Variants in UBR4 observed in about 807,000 individuals in gnomAD.
The protein encoded by UBR4 is ubiquitin protein ligase E3 component n-recognin 4.
Under a neutral mutation model 575.6 loss-of-function variants are expected in UBR4, and 124 were observed. That is an observed-to-expected ratio of 0.22 (90% confidence interval 0.19 to 0.25). UBR4 has a LOEUF of 0.25. Ranked by LOEUF, UBR4 falls within the 10% of genes least tolerant of loss-of-function variation. The pLI is 1.00. For synonymous variants in UBR4, 2,455 were observed against 2,473.7 expected (o/e 0.99, Z 0.22); for missense variants, 4,818 against 6,478.8 (o/e 0.74, Z 8.80).
At chr1:19,097,373 G>A (rs537207003) in intron 90 of UBR4, 93 bp from the exon 91 acceptor site, 74 of 990,582 alleles carry the variant, frequency 7.5e-5, no homozygotes, top group Non-Finnish European at 1.0e-4. Flanking sequence ...CCCCAGCAAT[G>A]TGGAGAGCCT....
chr1:19,116,549 AG>A (rs1388221036), intron 73 of UBR4, among the ~76,000 whole-genome samples: 1 of 152,224 alleles, frequency 6.6e-6, no homozygotes, highest in Non-Finnish European at 1.5e-5. Context: ...TCCTGTGTGC[AG>A]AACAGCTCTG....
chr1:19,081,608 G>A (rs1043804684), intron 102 of UBR4, 35 bp from the exon 103 acceptor site: 3 of 1,610,064 alleles, frequency 1.9e-6, no homozygotes, highest in Non-Finnish European at 2.6e-6. Context: ...ATAAAAGCAG[G>A]GTGGAAGCAG....
At chr1:19,149,748 A>G in intron 49 of UBR4, 1 of 1,302,178 alleles carries the variant, frequency 7.7e-7, no homozygotes, top group Non-Finnish European at 1.0e-6. Context: ...GAGAAAAGAA[A>G]GAGGGCATAC....
Position 19,138,180 on chromosome 1 carries a change from T to A in UBR4, c.8733A>T (p.Val2911=). The A allele has an allele frequency of 6.7e-7, 1 of 1,500,530 alleles. No homozygotes were observed. Among genetic ancestry groups the A allele is most frequent in the South Asian group, 1.4e-5 (1 of 74,014 alleles). 93.0% of individuals were successfully genotyped at this position (1,500,530 alleles called of 1,614,324 possible). The stretch of plus-strand genomic sequence containing the variant: ...CGCCATAAGCACTGCTCCGGCCAGA[T>A]ACTAGAGGGAAATGGTTTAAAAAGC... ...AVDSVAGEHS[V]SGRSSAYGDA... Residue 2911 remains valine, a splice_region_variant and synonymous_variant, in exon 60 of 106, where the codon GTA becomes GTT. Coordinates refer to ENST00000375254, the MANE Select transcript of UBR4 (RefSeq NM_020765.3).
chr1:19,195,966 T>TTA (rs1491289423), intron 8 of UBR4, among the ~76,000 whole-genome samples: 2 of 105,086 alleles, frequency 1.9e-5, no homozygotes, highest in South Asian at 3.3e-4. Flanking sequence ...ACAGACTTAC[T>TTA]TATACACACA....
intron 71 of UBR4, 115 bp from the exon 72 acceptor site, chr1:19,118,025 G>A: frequency 1.1e-6 from 1 of 924,426 alleles, no homozygotes; most frequent in Non-Finnish European, 1.7e-6. Flanking sequence ...AGCCCAAAGT[G>A]AGCCCCACCC....
At chr1:19,082,814 G>A (rs1016737693) in intron 102 of UBR4, among the ~76,000 whole-genome samples, 1 of 152,198 alleles carries the variant, frequency 6.6e-6, no homozygotes, top group Non-Finnish European at 1.5e-5. Flanking sequence ...GCTGTTGGCT[G>A]CTGCAGGATC....
intron 73 of UBR4, among the ~76,000 whole-genome samples, 168 bp from the exon 74 acceptor site, chr1:19,115,805 C>T (rs1454570919): frequency 6.6e-6 from 1 of 152,204 alleles, no homozygotes; most frequent in Admixed American, 6.5e-5. Flanking sequence ...AAAAAGTTTT[C>T]TACTACCTTT....
intron 105 of UBR4, among the ~76,000 whole-genome samples, chr1:19,075,748 C>A (rs78695089): frequency 0.094 from 14,312 of 152,288 alleles, 726 homozygotes; most frequent in African/African-American, 0.12. Context: ...GGAATTCACA[C>A]TGAGCAACAC....
Position 19,124,689 on chromosome 1 carries a change from C to A in UBR4, c.9440G>T (p.Gly3147Val), listed in dbSNP as rs2081534405. The change falls in exon 65 of 106, where the codon GGT becomes GTT. Residue 3147 changes from glycine to valine, a missense_variant and splice_region_variant. Gly to Val is a moderately radical substitution (Grantham distance 109). Coordinates refer to ENST00000375254, the MANE Select transcript of UBR4 (RefSeq NM_020765.3). The part of the protein sequence containing the change: ...SPFFLRQYVK[G>V]HAADVFEAYT... ...GGCCTCAAACACATCAGCAGCATGA[C>A]CCTGGGAGAAGAAAATTTGCATGAG... 6.2e-7 allele frequency: 1 copy of A among 1,605,536 alleles called. No individual in the cohort carries two copies. Among genetic ancestry groups the A allele is most frequent in the Non-Finnish European group, 8.5e-7 (1 of 1,177,050 alleles).
chr1:19,198,103 C>CTG, intron 5 of UBR4, 54 bp from the exon 6 acceptor site: 1 of 1,557,290 alleles, frequency 6.4e-7, no homozygotes, highest in Non-Finnish European at 8.8e-7. Context: ...ACCAAACCAA[C>CTG]TGTCAAAAGT....
In UBR4 at chr1:19,101,773, T is replaced by A. The variant is rs1048007742; in HGVS notation, c.12902-132A>T. The A allele has an allele frequency of 3.6e-6, 5 of 1,380,922 alleles. No homozygotes were observed. The African/African-American group carries it at 5.8e-5, about 16-fold the overall frequency. 85.5% of individuals were successfully genotyped at this position (1,380,922 alleles called of 1,614,324 possible). A position where few individuals can be genotyped will look rare whatever the true frequency, so the allele number is the denominator to read the frequency against. On this transcript the variant is annotated intron_variant, in intron 87 of 105. Coordinates refer to ENST00000375254, the MANE Select transcript of UBR4 (RefSeq NM_020765.3). ...AGTCTTTAAATGCCCTACATGGCAA[T>A]ATCAATAGTTCAAATTGGAAATTTG...
Position 19,156,359 on chromosome 1 carries a change from T to A in UBR4, c.5984A>T (p.Gln1995Leu). 1 of 1,614,194 alleles carries A rather than the reference T, an allele frequency of 6.2e-7. No homozygotes were observed. Among genetic ancestry groups the A allele is most frequent in the Non-Finnish European group, 8.5e-7 (1 of 1,180,028 alleles). The change falls in exon 42 of 106, where the codon CAG (glutamine) becomes CTG (leucine). Residue 1995 changes from glutamine to leucine, a missense_variant. By Grantham distance (113) the Gln-to-Leu change is moderately radical (BLOSUM62 -2). This residue lies in a region of UBR4 where 461 missense variants were observed against 606.9 expected (regional missense o/e 0.76). Transcript: ENST00000375254. Reference sequence around the variant, plus strand: ...GATGATGAAGTTCCCCGTTGCCAACTGAGGGTGCAAAACCAAGTGATCCGA... The same window carrying A: ...GATGATGAAGTTCCCCGTTGCCAACAGAGGGTGCAAAACCAAGTGATCCGA... ...SVSDHLVLHP[Q>L]LATGNFIIKA...
chr1:19,171,001 T>A, intron 25 of UBR4, 118 bp from the exon 26 acceptor site: 2 of 1,383,620 alleles, frequency 1.4e-6, no homozygotes, highest in South Asian at 1.3e-5. Context: ...TTTAATGTAG[T>A]TGATAGTGCC....
chr1:19,177,224 T>C (rs2090363313), intron 19 of UBR4, among the ~76,000 whole-genome samples: 1 of 152,178 alleles, frequency 6.6e-6, no homozygotes, highest in Non-Finnish European at 1.5e-5. Flanking sequence ...GAGAATGCCT[T>C]TGAACACAGC....
Position 19,152,501 on chromosome 1 carries a change from CAA to C in UBR4, c.6833-27_6833-26del. 1.2e-6 allele frequency: 2 copies of C among 1,612,696 alleles called. No individual in the cohort carries two copies. Among genetic ancestry groups the C allele is most frequent in the Non-Finnish European group, 1.7e-6 (2 of 1,179,536 alleles). ...GCTGCAGAGAACGGTACCAGATCGT[CAA>C]GAGTCTCTCCCACCTCTGCCCCAAC... On this transcript the variant is annotated intron_variant, in intron 46 of 105. Coordinates refer to ENST00000375254, the MANE Select transcript of UBR4 (RefSeq NM_020765.3). This position sits in a 1 kb window ranked among gnomAD's most constrained non-coding sequence, Gnocchi z 4.4.
At chr1:19,174,831 A>G (rs1277477745) in intron 21 of UBR4, 123 bp downstream of exon 21, 16 of 893,372 alleles carry the variant, frequency 1.8e-5, no homozygotes, top group Non-Finnish European at 2.4e-5. Flanking sequence ...ATAAGCTCAA[A>G]TCGTAACACA....
chr1:19,094,251 T>C, intron 94 of UBR4, 112 bp from the exon 95 acceptor site: 1 of 712,862 alleles, frequency 1.4e-6, no homozygotes, highest in Non-Finnish European at 2.3e-6. Context: ...GGAATACCCC[T>C]AGAAGAACTA....
At chr1:19,151,435 T>C (rs1231455088) in intron 48 of UBR4, 5 of 637,656 alleles carry the variant, frequency 7.8e-6, no homozygotes, top group Middle Eastern at 2.5e-4. Context: ...AGTGCAGCCC[T>C]ATCTTTACTG....
Sources: gnomAD v4.1 joint callset for allele counts (sites outside exome capture counted in the v4.1 genomes callset) on GRCh38, gnomAD v4.1.1 for gene constraint, gnomAD v4.1.1 regional missense constraint, Gnocchi (gnomAD v3.1) non-coding constraint, MANE v1.5 for transcripts, NCBI Gene and HGNC (gene_info 2026-07-23, HGNC 2026-07-21) for gene names.